DNAAF9: variants seen among roughly 807,000 people sequenced by gnomAD.
The protein encoded by DNAAF9 is shulin.
Under a neutral mutation model 167.0 loss-of-function variants are expected in DNAAF9, and 90 were observed. The observed-to-expected ratio is 0.54, with a 90% CI of 0.45 to 0.64. The LOEUF is 0.64. Ranked by LOEUF, DNAAF9 falls within the 30% of genes least tolerant of loss-of-function variation. The probability of loss-of-function intolerance (pLI) is 0.00; values close to 1 mark genes in which losing one functional copy is unlikely to be tolerated. For synonymous variants in DNAAF9, 491 were observed against 508.8 expected, an observed-to-expected ratio of 0.96 and a Z score of 0.47; for missense variants, 1,315 against 1,442.2, an observed-to-expected ratio of 0.91 and a Z score of 1.43.
chr20:3,272,432 GC>G (rs2068609882), intron 29 of DNAAF9, among the ~76,000 whole-genome samples: 1 of 151,842 alleles, frequency 6.6e-6, no homozygotes, highest in African/African-American at 2.4e-5. Flanking sequence ...TCATTTTGTT[GC>G]CCAGACTGGT....
At chr20:3,362,968 C>A (rs2083382416) in intron 6 of DNAAF9, among the ~76,000 whole-genome samples, 1 of 152,158 alleles carries the variant, frequency 6.6e-6, no homozygotes, top group African/African-American at 2.4e-5. Flanking sequence ...GTGGCTCACG[C>A]TTGTAATCCC....
At chr20:3,375,498 A>G (rs1374437641) in intron 4 of DNAAF9, among the ~76,000 whole-genome samples, 1 of 152,162 alleles carries the variant, frequency 6.6e-6, no homozygotes, top group Non-Finnish European at 1.5e-5. Context: ...ACCCCTGAAA[A>G]GGGCCCAAAG....
At chr20:3,253,307 G>A (rs111228942) in intron 36 of DNAAF9, among the ~76,000 whole-genome samples, 13 of 152,292 alleles carry the variant, frequency 8.5e-5, no homozygotes, top group African/African-American at 1.4e-4. Context: ...CGGGCACGGC[G>A]GCAGGCGCCT....
intron 27 of DNAAF9, among the ~76,000 whole-genome samples, chr20:3,284,450 G>A (rs1392542457): frequency 6.6e-6 from 1 of 152,124 alleles, no homozygotes; most frequent in East Asian, 1.9e-4. Context: ...CCAAAGTGCT[G>A]GGATTACATG....
At chr20:3,314,891 C>T (rs1207649865) in intron 20 of DNAAF9, 142 bp downstream of exon 20, 15 of 597,664 alleles carry the variant, frequency 2.5e-5, no homozygotes, top group Admixed American at 2.3e-4. Flanking sequence ...GTGGGTGGGT[C>T]GAGAGAAAAG....
chr20:3,288,795 G>A (rs2068898367), intron 26 of DNAAF9, among the ~76,000 whole-genome samples: 1 of 152,064 alleles, frequency 6.6e-6, no homozygotes, highest in African/African-American at 2.4e-5. Flanking sequence ...ATTTCACCTG[G>A]GCCAACCTGT....
intron 11 of DNAAF9, 68 bp from the exon 12 acceptor site, chr20:3,330,750 G>A: frequency 5.9e-6 from 5 of 854,234 alleles, no homozygotes; most frequent in East Asian, 2.8e-5. Context: ...AAGGAAGCTA[G>A]AAATGCTTAA....
intron 12 of DNAAF9, among the ~76,000 whole-genome samples, chr20:3,328,183 GTTT>G (rs754972652): frequency 7.6e-6 from 1 of 131,948 alleles, no homozygotes. Context: ...GCATGGCTCT[GTTT>G]TTTTTTTTTT....
intron 26 of DNAAF9, 121 bp downstream of exon 26, chr20:3,290,008 G>A: frequency 1.4e-6 from 1 of 695,606 alleles, no homozygotes; most frequent in Non-Finnish European, 2.6e-6. Flanking sequence ...TTAAATGAAT[G>A]GCTGACTACC....
intron 29 of DNAAF9, among the ~76,000 whole-genome samples, chr20:3,274,318 T>C (rs1321232259): frequency 6.6e-6 from 1 of 152,084 alleles, no homozygotes; most frequent in Non-Finnish European, 1.5e-5. Context: ...AATTTTTGTA[T>C]TTTTAGTAGA....
In DNAAF9 at chr20:3,390,371, CTT is replaced by C. The variant is rs34917762; in HGVS notation, c.84-7867_84-7866del. Among the ~76,000 whole-genome samples the C allele has an allele frequency of 2.7e-3, 383 of 141,068 alleles. 1 individual carries two copies. The highest frequency in any genetic ancestry group is 9.2e-3 in the African/African-American group (355 of 38,742). 92.5% of individuals were successfully genotyped at this position (141,068 alleles called of 152,430 possible). On this transcript the variant is annotated intron_variant, in intron 1 of 36. Coordinates refer to ENST00000252032, the MANE Select transcript of DNAAF9 (RefSeq NM_001009984.3). ...AAATATTCATTGTACTATTCTCTCACTTTTTTTTTTTTTTTTTGAAGTCTCAT... is the reference window on the plus strand; with the variant it reads ...AAATATTCATTGTACTATTCTCTCACTTTTTTTTTTTTTTTGAAGTCTCAT...
rs200633758 is a variant in DNAAF9, at chr20:3,284,173, C to CTT, written c.2487-2409_2487-2408dup. On this transcript the variant is annotated intron_variant, in intron 27 of 36. Coordinates refer to ENST00000252032, the MANE Select transcript of DNAAF9 (RefSeq NM_001009984.3). ...AGCACCACGCTCAAGTTACTAGAGT[C>CTT]TTTTTTTTTTTTTTTTTTTTTTTTT... Among the ~76,000 whole-genome samples the CTT allele has an allele frequency of 5.2e-3, 615 of 118,134 alleles. 1 individual carries two copies. The highest frequency in any genetic ancestry group is 7.8e-3 in the Non-Finnish European group (446 of 57,102). The allele number at this position is 118,134 out of a possible 152,430, so 77.5% of individuals were successfully genotyped here. A position where few individuals can be genotyped will look rare whatever the true frequency, so the allele number is the denominator to read the frequency against.
chr20:3,281,217 T>C (rs1225990245), intron 28 of DNAAF9, among the ~76,000 whole-genome samples: 2 of 151,776 alleles, frequency 1.3e-5, no homozygotes, highest in African/African-American at 4.9e-5. Context: ...TTAGTAGAAA[T>C]GGGATTTTGT....
intron 20 of DNAAF9, among the ~76,000 whole-genome samples, chr20:3,307,478 G>C (rs548081870): frequency 2.0e-5 from 3 of 152,118 alleles, no homozygotes; most frequent in South Asian, 4.2e-4. Flanking sequence ...TCTGGTATCT[G>C]CTCTGGACTC....
intron 16 of DNAAF9, among the ~76,000 whole-genome samples, chr20:3,319,527 T>A (rs2069577606): frequency 6.6e-6 from 1 of 152,046 alleles, no homozygotes; most frequent in South Asian, 2.1e-4. Context: ...ATGAGGGACA[T>A]GGGATAAGTA....
Position 3,322,556 on chromosome 20 carries a change from G to A in DNAAF9, c.1310+96C>T, listed in dbSNP as rs532366928. ...CTGGAGTGATGTCACTGCTAGGTGT[G>A]GAAGCATGAGAAAACCACTCATGTC... On this transcript the variant is annotated intron_variant, in intron 15 of 36. Coordinates refer to ENST00000252032, the MANE Select transcript of DNAAF9 (RefSeq NM_001009984.3). 4,394 of 965,676 alleles carry A rather than the reference G, an allele frequency of 4.6e-3. 12 individuals carry two copies. The highest frequency in any genetic ancestry group is 0.014 in the Middle Eastern group (68 of 4,826). 59.8% of individuals were successfully genotyped at this position (965,676 alleles called of 1,614,324 possible). A position where few individuals can be genotyped will look rare whatever the true frequency, so the allele number is the denominator to read the frequency against.
intron 27 of DNAAF9, among the ~76,000 whole-genome samples, chr20:3,285,679 A>G (rs1174278463): frequency 2.5e-5 from 3 of 120,676 alleles, no homozygotes; most frequent in Non-Finnish European, 5.3e-5. Flanking sequence ...ACTCTGTCTC[A>G]TTAAAAAAAA....
At chr20:3,325,193 C>T (rs919922871) in intron 13 of DNAAF9, among the ~76,000 whole-genome samples, 8 of 152,182 alleles carry the variant, frequency 5.3e-5, no homozygotes, top group African/African-American at 1.7e-4. Flanking sequence ...CAGGACAAAA[C>T]TGCATTCAGG....
Position 3,256,172 on chromosome 20 carries a change from G to A in DNAAF9, c.3095C>T (p.Ala1032Val). ...AACTGGCATGATGCTCAAGGAGTTG[G>A]CCAGTGTGTTGTAGCAGACCTCCAT... ...RTMEVCYNTL[A>V]NSLSIMPVLE... The change falls in exon 34 of 37, where the codon GCC becomes GTC. Residue 1032 changes from alanine to valine, a missense_variant. Coordinates refer to ENST00000252032, the MANE Select transcript of DNAAF9 (RefSeq NM_001009984.3). The A allele has an allele frequency of 7.4e-6, 12 of 1,614,188 alleles. No homozygotes were observed. Among genetic ancestry groups the A allele is most frequent in the Non-Finnish European group, 1.0e-5 (12 of 1,180,014 alleles).
Sources: allele counts gnomAD v4.1 joint callset (sites outside exome capture counted in the v4.1 genomes callset), GRCh38; gene constraint gnomAD v4.1.1; transcripts MANE v1.5; gene names NCBI Gene and HGNC (gene_info 2026-07-23, HGNC 2026-07-21).